The following GPR158 variants were observed in gnomAD, a reference collection of about 807,000 sequenced individuals.
The protein encoded by GPR158 is metabotropic glycine receptor.
Under a neutral mutation model 78.2 loss-of-function variants are expected in GPR158, and 30 were observed. The observed-to-expected ratio is 0.38, with a 90% CI of 0.29 to 0.52. The LOEUF is 0.52. Among genes scored for constraint, GPR158 ranks in the 20% least tolerant of loss-of-function variants. The pLI, the probability that GPR158 is intolerant of heterozygous loss-of-function variation, is 0.83. For synonymous variants in GPR158, 581 were observed against 591.1 expected, an observed-to-expected ratio of 0.98 and a Z score of 0.25; for missense variants, 1,463 against 1,523.5, an observed-to-expected ratio of 0.96 and a Z score of 0.66.
intron 7 of GPR158, among the ~76,000 whole-genome samples, chr10:25,579,900 T>C (rs554507574): frequency 6.6e-6 from 1 of 152,346 alleles, no homozygotes; most frequent in East Asian, 1.9e-4. Context: ...ATTCTTTCTT[T>C]CTGTATCACT....
intron 4 of GPR158, among the ~76,000 whole-genome samples, chr10:25,455,000 A>T (rs1050838048): frequency 6.6e-6 from 1 of 152,230 alleles, no homozygotes; most frequent in Non-Finnish European, 1.5e-5. Context: ...AAATACCAAA[A>T]GTTAAACATG....
At chr10:25,258,610 G>C (rs986823258) in intron 2 of GPR158, among the ~76,000 whole-genome samples, 14 of 151,904 alleles carry the variant, frequency 9.2e-5, no homozygotes, top group African/African-American at 2.9e-4. Flanking sequence ...TTTTTGTTAT[G>C]GTAGGAGGTA....
intron 5 of GPR158, among the ~76,000 whole-genome samples, chr10:25,477,851 A>C (rs1835610456): frequency 6.6e-6 from 1 of 152,220 alleles, no homozygotes; most frequent in South Asian, 2.1e-4. Context: ...TATAGAGAGC[A>C]AAAGACATCA....
chr10:25,226,582 AAGTG>A (rs1853375477), intron 2 of GPR158, among the ~76,000 whole-genome samples: 1 of 152,248 alleles, frequency 6.6e-6, no homozygotes, highest in Non-Finnish European at 1.5e-5. Context: ...GTCTCACAGT[AAGTG>A]AGGAGTAAAC....
intron 6 of GPR158, among the ~76,000 whole-genome samples, chr10:25,571,067 GA>G (rs1316819086): frequency 6.6e-6 from 1 of 152,160 alleles, no homozygotes; most frequent in African/African-American, 2.4e-5. Context: ...GAGCAGAAGT[GA>G]TTAGGCATAG....
In GPR158 at chr10:25,250,876, T is replaced by C. The variant is rs1472296627; in HGVS notation, c.1008+29719T>C. 2.6e-5 allele frequency among the ~76,000 whole-genome samples: 4 copies of C among 151,618 alleles called. No individual in the cohort carries two copies. The East Asian group carries it at 7.7e-4, about 29-fold the overall frequency. ...CAGTTCCTGGGTATCCTTGTTGACT[T>C]TCTGTCTCGTTGATCTGTCTAATGT... On this transcript the variant is annotated intron_variant, in intron 2 of 10. Transcript: ENST00000376351.
At chr10:25,526,410 A>G (rs1443214350) in intron 5 of GPR158, among the ~76,000 whole-genome samples, 2 of 152,142 alleles carry the variant, frequency 1.3e-5, no homozygotes, top group Non-Finnish European at 2.9e-5. Flanking sequence ...TTAAGATGTC[A>G]GAGGATAGAG....
chr10:25,469,083 C>A (rs191995941), intron 5 of GPR158, among the ~76,000 whole-genome samples: 42 of 152,270 alleles, frequency 2.8e-4, no homozygotes, highest in African/African-American at 9.9e-4. Flanking sequence ...CTCCCTGCTC[C>A]ATCTCAGCCT....
chr10:25,372,677 G>T (rs1244339416), intron 2 of GPR158, among the ~76,000 whole-genome samples: 1 of 126,610 alleles, frequency 7.9e-6, no homozygotes, highest in East Asian at 2.6e-4. Context: ...ATGGACACAG[G>T]AAGGAGAACA....
intron 5 of GPR158, among the ~76,000 whole-genome samples, chr10:25,484,552 C>T (rs995842326): frequency 6.6e-6 from 1 of 152,166 alleles, no homozygotes; most frequent in Non-Finnish European, 1.5e-5. Context: ...TGAGAAGATG[C>T]TGGCTCTAGC....
At chr10:25,290,794 G>A (rs1854424226) in intron 2 of GPR158, among the ~76,000 whole-genome samples, 1 of 151,894 alleles carries the variant, frequency 6.6e-6, no homozygotes, top group African/African-American at 2.4e-5. Flanking sequence ...AGTTCTTTTA[G>A]ATAACTAACT....
chr10:25,256,148 A>C (rs1270004414), intron 2 of GPR158, among the ~76,000 whole-genome samples: 1 of 152,034 alleles, frequency 6.6e-6, no homozygotes, highest in Non-Finnish European at 1.5e-5. Flanking sequence ...GGCACTTGCC[A>C]TACTATTAAT....
At chr10:25,586,907 T>C (rs570659190) in intron 7 of GPR158, among the ~76,000 whole-genome samples, 2 of 152,334 alleles carry the variant, frequency 1.3e-5, no homozygotes, top group African/African-American at 2.4e-5. Context: ...CTGATCACTG[T>C]ACAGAAGGCC....
At chr10:25,518,532 A>G (rs1450026886) in intron 5 of GPR158, among the ~76,000 whole-genome samples, 1 of 80,816 alleles carries the variant, frequency 1.2e-5, no homozygotes, top group Non-Finnish European at 2.4e-5. Context: ...TTCCCTCTAC[A>G]CACTGCTTTG....
chr10:25,241,280 C>CTTTCCTTTCTTTTCTTTTCT lies in GPR158; in HGVS notation c.1008+20127_1008+20128insCTTTCTTTTCTTTTCTTTTC, dbSNP rs59929117. ...TTTCCTTTCTTTCTTTCCTTTCTTT[C>CTTTCCTTTCTTTTCTTTTCT]TTTCTTTTCTTTTCTTTTCTTTTCT... is the stretch of plus-strand genomic sequence containing the variant. On this transcript the variant is annotated intron_variant, in intron 2 of 10. Transcript: ENST00000376351. Among the ~76,000 whole-genome samples, 28 of 24,626 alleles carry CTTTCCTTTCTTTTCTTTTCT rather than the reference C, an allele frequency of 1.1e-3. 3 individuals are homozygous for CTTTCCTTTCTTTTCTTTTCT. The highest frequency in any genetic ancestry group is 3.6e-3 in the African/African-American group (24 of 6,700). The allele number at this position is 24,626 out of a possible 152,430, so 16.2% of individuals were successfully genotyped here. A position where few individuals can be genotyped will look rare whatever the true frequency, so the allele number is the denominator to read the frequency against.
intron 2 of GPR158, among the ~76,000 whole-genome samples, chr10:25,342,640 T>A (rs1331946794): frequency 6.6e-6 from 1 of 151,964 alleles, no homozygotes; most frequent in Non-Finnish European, 1.5e-5. Flanking sequence ...ATCCTTCCTG[T>A]TGTTTCAGAC....
intron 2 of GPR158, among the ~76,000 whole-genome samples, chr10:25,267,798 C>A (rs929299163): frequency 6.6e-6 from 1 of 151,946 alleles, no homozygotes; most frequent in African/African-American, 2.4e-5. Context: ...GGCCCAGACT[C>A]TTGGTTATAA....
At chr10:25,338,154 A>C (rs1399347546) in intron 2 of GPR158, among the ~76,000 whole-genome samples, 1 of 151,380 alleles carries the variant, frequency 6.6e-6, no homozygotes, top group Non-Finnish European at 1.5e-5. Flanking sequence ...TTTCCTTTAT[A>C]ATTGTAGTTT....
rs1837459870 is a variant in GPR158, at chr10:25,599,256, G to C, written c.3630G>C (p.Trp1210Cys). Residue 1210 changes from tryptophan (W) to cysteine (C), a missense_variant, in exon 11 of 11, where the codon TGG (tryptophan) becomes TGC (cysteine). Transcript: ENST00000376351. ...KIAGPRKEEIWDSFKV is the reference protein window; with the variant it reads ...KIAGPRKEEICDSFKV ...CAGGGCCTAGGAAAGAAGAGATCTG[G>C]GATAGTTTTAAAGTGTAGCATCTCC... 6.2e-7 allele frequency: 1 copy of C among 1,610,850 alleles called. No homozygotes were observed. Among genetic ancestry groups the C allele is most frequent in the South Asian group, 1.1e-5 (1 of 90,984 alleles).
Sources: gnomAD v4.1 joint callset for allele counts (sites outside exome capture counted in the v4.1 genomes callset) on GRCh38, gnomAD v4.1.1 for gene constraint, MANE v1.5 for transcripts, NCBI Gene and HGNC (gene_info 2026-07-23, HGNC 2026-07-21) for gene names.